The following TNNI3K variants were observed in gnomAD, a reference collection of about 807,000 sequenced individuals.
TNNI3K encodes the protein serine/threonine-protein kinase TNNI3K.
In TNNI3K, 140 loss-of-function variants were observed where a neutral mutation model predicts 114.5. That is an observed-to-expected ratio of 1.22 (90% CI 1.07 to 1.41). The LOEUF (loss-of-function observed/expected upper bound fraction) is 1.41. TNNI3K is among the 40% of genes most tolerant of loss of function. The probability of loss-of-function intolerance (pLI) is 0.00; values close to 1 mark genes in which losing one functional copy is unlikely to be tolerated. For synonymous variants in TNNI3K, 347 were observed against 347.5 expected (o/e 1.00, Z 0.02); for missense variants, 1,125 against 1,007.6 (o/e 1.12, Z -1.58).
chr1:74,455,487 A>G (rs1361994422), intron 20 of TNNI3K, among the ~76,000 whole-genome samples: 2 of 152,218 alleles, frequency 1.3e-5, no homozygotes, highest in Non-Finnish European at 2.9e-5. Context: ...GAGAAGCAGA[A>G]CAAGTGGAAT....
chr1:74,444,042 C>T (rs1235657102), intron 20 of TNNI3K, among the ~76,000 whole-genome samples: 1 of 152,176 alleles, frequency 6.6e-6, no homozygotes, highest in African/African-American at 2.4e-5. Flanking sequence ...GACATACCCA[C>T]AGCGAATATC....
intron 2 of TNNI3K, among the ~76,000 whole-genome samples, chr1:74,248,425 C>T (rs1000806485): frequency 3.9e-5 from 6 of 152,122 alleles, no homozygotes; most frequent in Non-Finnish European, 7.4e-5. Context: ...GAGGAGGTGC[C>T]GAGAGCGAGC....
Position 74,439,461 on chromosome 1 carries a change from A to G in TNNI3K, c.1879-29A>G, listed in dbSNP as rs753848735. ...AGTGGAAGAACCAAACACTTGGTAA[A>G]TGGCTTGTGGATGTTTCTTGATGTG... On this transcript the variant is annotated intron_variant, in intron 19 of 24. Coordinates refer to ENST00000326637, the MANE Select transcript of TNNI3K (RefSeq NM_015978.3). The G allele has an allele frequency of 8.7e-6, 14 of 1,602,148 alleles. No homozygotes were observed. In the Admixed American group the frequency reaches 2.4e-4, roughly 27 times the overall value.
chr1:74,370,304 T>C lies in TNNI3K; in HGVS notation c.1684T>C (p.Ser562Pro). ...AAATTCTAGGATTCTTGATTTGCAG[T>C]CTAAATTAATTATTGCAGTAGATGT... is the stretch of plus-strand genomic sequence containing the variant. ...HEQKRILDLQ[S>P]KLIIAVDVAK... The change falls in exon 17 of 25, where the codon TCT (serine) becomes CCT (proline). Residue 562 changes from serine (S) to proline (P), a missense_variant. Coordinates refer to ENST00000326637, the MANE Select transcript of TNNI3K (RefSeq NM_015978.3). 1.3e-6 allele frequency: 2 copies of C among 1,596,720 alleles called. No homozygotes were observed. The highest frequency in any genetic ancestry group is 1.7e-6 in the Non-Finnish European group (2 of 1,170,562).
In TNNI3K at chr1:74,510,273, G is replaced by A. The variant is rs563191712; in HGVS notation, c.2351+18007G>A. ...TGTAATCCCAGCACTTTCGGAGGCCGAGGCGGGCAGATCACGAGGTCAGGA... is the reference window on the plus strand; with the variant it reads ...TGTAATCCCAGCACTTTCGGAGGCCAAGGCGGGCAGATCACGAGGTCAGGA... On this transcript the variant is annotated intron_variant, in intron 23 of 24. Transcript: ENST00000326637. Among the ~76,000 whole-genome samples the A allele has an allele frequency of 7.2e-5, 11 of 152,172 alleles. No individual in the cohort carries two copies. In the East Asian group the frequency reaches 9.7e-4, roughly 13 times the overall value.
intron 23 of TNNI3K, among the ~76,000 whole-genome samples, chr1:74,494,062 T>C (rs1358950481): frequency 2.0e-5 from 3 of 152,142 alleles, no homozygotes; most frequent in Non-Finnish European, 4.4e-5. Context: ...ATAGATACCC[T>C]GAAGAGTGCA....
chr1:74,250,828 A>G (rs1183206464), intron 4 of TNNI3K, 59 bp downstream of exon 4: 2 of 902,444 alleles, frequency 2.2e-6, no homozygotes, highest in Non-Finnish European at 1.6e-6. Context: ...GTGTATCTTT[A>G]GGCTTTTTTT....
chr1:74,385,602 A>G (rs1052157621), intron 17 of TNNI3K, among the ~76,000 whole-genome samples: 7 of 152,164 alleles, frequency 4.6e-5, no homozygotes, highest in African/African-American at 1.4e-4. Context: ...AAAAATCAAC[A>G]TAACTGAAAT....
At position 74,367,313 on chromosome 1, in the gene TNNI3K, C is replaced by T. The variant is rs201291650; in HGVS notation, c.1235C>T (p.Pro412Leu). Residue 412 changes from proline to leucine, a missense_variant, in exon 12 of 25, where the codon CCC (proline) becomes CTC (leucine). Transcript: ENST00000326637. ...KHYKRPQDEL[P>L]CNEYSQPGGD... is the part of the protein sequence containing the mutation. ...TATAAGAGACCACAAGATGAATTGC[C>T]CTGTAATGAATATTCTCAGCCTGGA... 6.2e-7 allele frequency: 1 copy of T among 1,612,028 alleles called. No individual in the cohort carries two copies. The highest frequency in any genetic ancestry group is 8.5e-7 in the Non-Finnish European group (1 of 1,178,742).
intron 19 of TNNI3K, chr1:74,439,273 G>T: frequency 2.1e-6 from 1 of 479,944 alleles, no homozygotes; most frequent in East Asian, 3.7e-5. Context: ...ATTAAAAAAT[G>T]CCCTTTGAGG....
intron 21 of TNNI3K, chr1:74,483,445 A>G (rs1465379219): frequency 6.2e-6 from 4 of 647,332 alleles, no homozygotes; most frequent in Admixed American, 4.5e-5. Context: ...CTGTACATAC[A>G]GGTCATGAGG....
intron 23 of TNNI3K, among the ~76,000 whole-genome samples, chr1:74,516,805 A>G (rs1163760693): frequency 1.3e-5 from 2 of 152,198 alleles, no homozygotes; most frequent in African/African-American, 4.8e-5. Context: ...TATTATAACA[A>G]GTTAAGGCAG....
chr1:74,510,951 G>A (rs149472850), intron 23 of TNNI3K, among the ~76,000 whole-genome samples: 85 of 152,296 alleles, frequency 5.6e-4, no homozygotes, highest in African/African-American at 2.0e-3. Flanking sequence ...ACAATGGTGC[G>A]ATCTTGGCTC....
At chr1:74,354,263 T>C in intron 11 of TNNI3K, 134 bp downstream of exon 11, 1 of 1,435,446 alleles carries the variant, frequency 7.0e-7, no homozygotes. Context: ...CTTGAGTTTC[T>C]GGGGCCTTGG....
intron 20 of TNNI3K, 69 bp downstream of exon 20, chr1:74,439,691 AT>A (rs892103336): frequency 1.6e-5 from 25 of 1,582,044 alleles, no homozygotes; most frequent in Admixed American, 1.8e-5. Flanking sequence ...CTTCAAGAAA[AT>A]TTTTTTTCAC....
chr1:74,451,689 T>TTTCTATCTA (rs1431751183), intron 20 of TNNI3K, among the ~76,000 whole-genome samples: 1 of 65,338 alleles, frequency 1.5e-5, no homozygotes, highest in African/African-American at 5.9e-5. Context: ...TTTCTTTTCT[T>TTTCTATCTA]TCTTTCTTTC....
At chr1:74,403,988 A>G (rs45508603) in intron 17 of TNNI3K, among the ~76,000 whole-genome samples, 1 of 152,150 alleles carries the variant, frequency 6.6e-6, no homozygotes, top group Non-Finnish European at 1.5e-5. Context: ...CTATTTAGTA[A>G]TGTGTGTTAG....
chr1:74,467,960 G>C (rs1024920588), intron 21 of TNNI3K, among the ~76,000 whole-genome samples: 1 of 152,146 alleles, frequency 6.6e-6, no homozygotes, highest in Non-Finnish European at 1.5e-5. Context: ...CAGCCAGCTG[G>C]ACTGCTGTTT....
chr1:74,497,546 A>C (rs1222481694), intron 23 of TNNI3K, among the ~76,000 whole-genome samples: 1 of 151,508 alleles, frequency 6.6e-6, no homozygotes, highest in African/African-American at 2.4e-5. Context: ...CCATGGCTTC[A>C]ACTCACACCA....
Sources: gnomAD v4.1 joint callset for allele counts (sites outside exome capture counted in the v4.1 genomes callset) on GRCh38, gnomAD v4.1.1 for gene constraint, MANE v1.5 for transcripts, NCBI Gene and HGNC (gene_info 2026-07-23, HGNC 2026-07-21) for gene names.